The following MAP2K6 variants were observed in gnomAD, a reference collection of about 807,000 sequenced individuals.
MAP2K6 encodes the protein mitogen-activated protein kinase kinase 6, also known as dual specificity mitogen-activated protein kinase kinase 6.
Under a neutral mutation model 53.7 loss-of-function variants are expected in MAP2K6, and 16 were observed. The observed-to-expected ratio is 0.30, with a 90% CI of 0.20 to 0.45. The LOEUF (loss-of-function observed/expected upper bound fraction) is 0.45, where lower values mean the gene tolerates loss of function less well. MAP2K6 is among the 20% of genes least tolerant of loss of function. MAP2K6 has a pLI of 1.00. For missense variants in MAP2K6, 204 were observed against 411.9 expected (o/e 0.50, Z 4.37); for synonymous variants, 132 against 143.1 (o/e 0.92, Z 0.55).
chr17:69,509,479 G>A (rs184885428), intron 2 of MAP2K6, among the ~76,000 whole-genome samples: 6 of 152,058 alleles, frequency 3.9e-5, no homozygotes, highest in Admixed American at 3.9e-4. Context: ...CTTCTATTCT[G>A]TGACTTTACT....
At chr17:69,504,793 C>T (rs1909374519) in intron 1 of MAP2K6, among the ~76,000 whole-genome samples, 1 of 152,192 alleles carries the variant, frequency 6.6e-6, no homozygotes, top group African/African-American at 2.4e-5. Flanking sequence ...GTGTGATCAA[C>T]ATCAAGTTAC....
intron 1 of MAP2K6, among the ~76,000 whole-genome samples, chr17:69,455,328 G>A (rs1907368312): frequency 1.3e-5 from 2 of 152,128 alleles, no homozygotes; most frequent in South Asian, 4.1e-4. Context: ...GTTTAGCCAT[G>A]CCCTGGTGAG....
In MAP2K6 at chr17:69,541,469, A is replaced by C. The variant is rs139670500; in HGVS notation, c.928-207A>C. On this transcript the variant is annotated intron_variant, in intron 11 of 11. Coordinates refer to ENST00000590474, the MANE Select transcript of MAP2K6 (RefSeq NM_002758.4). ...AATATAGTGGAAACCTAGAGATATCAAGATGGAAAGAGTGACAACTAAGAG... is the reference window on the plus strand; with the variant it reads ...AATATAGTGGAAACCTAGAGATATCCAGATGGAAAGAGTGACAACTAAGAG... 4.6e-3 allele frequency among the ~76,000 whole-genome samples: 695 copies of C among 152,228 alleles called. 6 individuals carry two copies. Among genetic ancestry groups the C allele is most frequent in the African/African-American group, 0.016 (671 of 41,512 alleles).
intron 1 of MAP2K6, among the ~76,000 whole-genome samples, chr17:69,479,085 AAAT>A (rs1908259280): frequency 6.6e-6 from 1 of 152,182 alleles, no homozygotes; most frequent in African/African-American, 2.4e-5. Context: ...ATTCACTGAA[AAAT>A]AATGTGGTTG....
intron 1 of MAP2K6, among the ~76,000 whole-genome samples, chr17:69,458,163 C>T (rs111593115): frequency 0.065 from 9,842 of 152,170 alleles, 366 homozygotes; most frequent in Middle Eastern, 0.13. Flanking sequence ...CAGTGATCCT[C>T]GTGCCTGAGC....
At chr17:69,515,730 A>C (rs1294995779) in intron 2 of MAP2K6, among the ~76,000 whole-genome samples, 1 of 152,218 alleles carries the variant, frequency 6.6e-6, no homozygotes, top group African/African-American at 2.4e-5. Flanking sequence ...AGCCTGGTTG[A>C]GTAGAGAGGA....
Position 69,546,466 on chromosome 17 carries a change from T to C in MAP2K6, c.*4713T>C, listed in dbSNP as rs1567866298. ...GCAGAGAGGGGTTAATGTTGCATAA[T>C]TTATCACTAAAATGTCTTTGTTGAC... On this transcript the variant is annotated 3_prime_UTR_variant, in exon 12 of 12. Coordinates refer to ENST00000590474, the MANE Select transcript of MAP2K6 (RefSeq NM_002758.4). The C allele has an allele frequency of 6.6e-6, 1 of 152,202 alleles. No homozygotes were observed. The highest frequency in any genetic ancestry group is 1.5e-5 in the Non-Finnish European group (1 of 68,036). 9.4% of individuals were successfully genotyped at this position (152,202 alleles called of 1,614,324 possible).
chr17:69,482,847 AT>A (rs372339435), intron 1 of MAP2K6, among the ~76,000 whole-genome samples: 14 of 152,138 alleles, frequency 9.2e-5, no homozygotes, highest in African/African-American at 3.4e-4. Flanking sequence ...CATAAGACAG[AT>A]TTTTGCCAAG....
chr17:69,477,589 A>G (rs1908195553), intron 1 of MAP2K6: 1 of 152,230 alleles, frequency 6.6e-6, no homozygotes, highest in African/African-American at 2.4e-5. Flanking sequence ...TAGGAGTGTT[A>G]CATAAATTGT....
At chr17:69,444,448 G>C (rs925179103) in intron 1 of MAP2K6, among the ~76,000 whole-genome samples, 6 of 152,090 alleles carry the variant, frequency 3.9e-5, no homozygotes, top group Non-Finnish European at 2.9e-5. Flanking sequence ...CACTCCACAG[G>C]GCCAGAGAAC....
At chr17:69,485,945 A>G (rs1908517752) in intron 1 of MAP2K6, among the ~76,000 whole-genome samples, 1 of 152,126 alleles carries the variant, frequency 6.6e-6, no homozygotes, top group Non-Finnish European at 1.5e-5. Flanking sequence ...GTCTTTCTCA[A>G]TAGACTACAA....
rs1911839229 is a variant in MAP2K6, at chr17:69,545,396, A to G, written c.*3643A>G. 6.6e-6 allele frequency: 1 copy of G among 152,230 alleles called. No homozygotes were observed. The highest frequency in any genetic ancestry group is 6.5e-5 in the Admixed American group (1 of 15,276). The allele number at this position is 152,230 out of a possible 1,614,324, so 9.4% of individuals were successfully genotyped here. A position where few individuals can be genotyped will look rare whatever the true frequency, so the allele number is the denominator to read the frequency against. The stretch of plus-strand genomic sequence containing the variant: ...TTTTCTAAAGACTGTGTTTGGTCAC[A>G]CTGATTTAATCAGAACAAATGGGTT... On this transcript the variant is annotated 3_prime_UTR_variant, in exon 12 of 12. Coordinates refer to ENST00000590474, the MANE Select transcript of MAP2K6 (RefSeq NM_002758.4).
Position 69,552,185 on chromosome 17 carries a change from T to C in MAP2K6, c.*10432T>C, listed in dbSNP as rs1912126133. 1 of 152,246 alleles carries C rather than the reference T, an allele frequency of 6.6e-6. No homozygotes were observed. Among genetic ancestry groups the C allele is most frequent in the Non-Finnish European group, 1.5e-5 (1 of 68,040 alleles). 9.4% of individuals were successfully genotyped at this position (152,246 alleles called of 1,614,324 possible). On this transcript the variant is annotated 3_prime_UTR_variant, in exon 12 of 12. Coordinates refer to ENST00000590474, the MANE Select transcript of MAP2K6 (RefSeq NM_002758.4). ...ACCATGTTTATTGCAAAGAGAGCCT[T>C]TGGGCAAGTGGAAAATGCCCTGATG...
chr17:69,541,119 C>T (rs1911600394), intron 11 of MAP2K6, among the ~76,000 whole-genome samples: 1 of 152,086 alleles, frequency 6.6e-6, no homozygotes, highest in Non-Finnish European at 1.5e-5. Flanking sequence ...AAAAATTAGC[C>T]AGGCATGGTG....
At chr17:69,423,073 C>T (rs773987612) in intron 1 of MAP2K6, among the ~76,000 whole-genome samples, 3 of 152,082 alleles carry the variant, frequency 2.0e-5, no homozygotes, top group Admixed American at 6.5e-5. Context: ...TTAGTAGAGA[C>T]GGGGTTTCAC....
chr17:69,538,128 C>A (rs909735841), intron 11 of MAP2K6, among the ~76,000 whole-genome samples: 2 of 152,144 alleles, frequency 1.3e-5, no homozygotes, highest in Non-Finnish European at 2.9e-5. Flanking sequence ...CCTGGGCCCC[C>A]CAAGTAGCTG....
At chr17:69,488,797 A>G (rs1409940919) in intron 1 of MAP2K6, among the ~76,000 whole-genome samples, 1 of 152,192 alleles carries the variant, frequency 6.6e-6, no homozygotes, top group Admixed American at 6.5e-5. Flanking sequence ...AGGGTTGCAT[A>G]ACTAACTGTT....
rs1911654784 is a variant in MAP2K6, at chr17:69,541,864, CT to C, written c.*112del. 1 of 771,410 alleles carries C rather than the reference CT, an allele frequency of 1.3e-6. No homozygotes were observed. Among genetic ancestry groups the C allele is most frequent in the Non-Finnish European group, 2.1e-6 (1 of 473,736 alleles). The allele number at this position is 771,410 out of a possible 1,614,324, so 47.8% of individuals were successfully genotyped here. A position where few individuals can be genotyped will look rare whatever the true frequency, so the allele number is the denominator to read the frequency against. ...CATCTTTGAGATAATTTAACCCTGC[CT>C]CTCAGAGGGTTTTCTCTCCCAATTT... is the stretch of plus-strand genomic sequence containing the variant. On this transcript the variant is annotated 3_prime_UTR_variant, in exon 12 of 12. Coordinates refer to ENST00000590474, the MANE Select transcript of MAP2K6 (RefSeq NM_002758.4).
intron 1 of MAP2K6, among the ~76,000 whole-genome samples, chr17:69,419,367 T>C (rs550903266): frequency 1.4e-3 from 209 of 152,308 alleles, no homozygotes; most frequent in African/African-American, 4.9e-3. Flanking sequence ...ACACTAATTC[T>C]CATTTCTACC....
Sources: gnomAD v4.1 joint callset for allele counts (sites outside exome capture counted in the v4.1 genomes callset) on GRCh38, gnomAD v4.1.1 for gene constraint, MANE v1.5 for transcripts, NCBI Gene and HGNC (gene_info 2026-07-23, HGNC 2026-07-21) for gene names.